The following C9orf57 variants were observed in gnomAD, a reference collection of about 807,000 sequenced individuals.
C9orf57 encodes chromosome 9 open reading frame 57, also known as uncharacterized protein C9orf57.
C9orf57 carries 12 observed loss-of-function variants against 12.9 expected under a neutral mutation model. The ratio of observed to expected loss-of-function variants is 0.93; its 90% CI spans 0.60 to 1.51. The LOEUF is 1.51. Ranked by LOEUF, C9orf57 falls within the 40% of genes most tolerant of loss-of-function variation. C9orf57 has a pLI of 0.00. For synonymous variants in C9orf57, 49 were observed against 57.1 expected, an observed-to-expected ratio of 0.86 and a Z score of 0.64; for missense variants, 141 against 162.8, an observed-to-expected ratio of 0.87 and a Z score of 0.73.
chr9:72,056,494 A>G (rs1824205582), intron 3 of C9orf57, among the ~76,000 whole-genome samples: 1 of 152,066 alleles, frequency 6.6e-6, no homozygotes, highest in Non-Finnish European at 1.5e-5. Context: ...GAGAAAGTAT[A>G]TAGATTATTA....
chr9:72,056,909 A>G, intron 2 of C9orf57, 66 bp from the exon 3 acceptor site: 1 of 1,270,180 alleles, frequency 7.9e-7, no homozygotes, highest in Admixed American at 2.5e-5. Context: ...ATATATATGT[A>G]TACTTTTTTT....
intron 4 of C9orf57, among the ~76,000 whole-genome samples, chr9:72,054,611 C>T (rs996509401): frequency 2.0e-5 from 3 of 152,074 alleles, no homozygotes; most frequent in Non-Finnish European, 4.4e-5. Flanking sequence ...ATTTGCATTT[C>T]CTTGATTTTT....
At position 72,052,416 on chromosome 9, in the gene C9orf57, T is replaced by A; in HGVS notation, c.300A>T (p.Ser100=). ...VHIQGGIQWY[S]VKGCTKNTSE... ...ATGTGTTCTTTGTGCAGCCTTTGAC[T>A]GAATACCATTGAATGCCACCTGACG... Residue 100 remains serine, a synonymous_variant, in exon 5 of 5, where the codon TCA becomes TCT. Transcript: ENST00000651200. 1.3e-6 allele frequency: 2 copies of A among 1,551,832 alleles called. No homozygotes were observed. The highest frequency in any genetic ancestry group is 2.4e-5 in the South Asian group (2 of 83,952).
intron 2 of C9orf57, 147 bp from the exon 3 acceptor site, chr9:72,056,990 A>G: frequency 1.7e-6 from 1 of 595,862 alleles, no homozygotes; most frequent in East Asian, 3.0e-5. Flanking sequence ...GCTCACTGCA[A>G]CCTCCGCTTC....
chr9:72,052,409 C>A lies in C9orf57; in HGVS notation c.307G>T (p.Gly103Cys), dbSNP rs761133730. The A allele has an allele frequency of 1.2e-5, 18 of 1,552,072 alleles. No individual in the cohort carries two copies. Among genetic ancestry groups the A allele is most frequent in the Non-Finnish European group, 1.4e-5 (16 of 1,147,096 alleles). Reference sequence around the variant, plus strand: ...CACTCTGATGTGTTCTTTGTGCAGCCTTTGACTGAATACCATTGAATGCCA... The same window carrying A: ...CACTCTGATGTGTTCTTTGTGCAGCATTTGACTGAATACCATTGAATGCCA... ...QGGIQWYSVK[G>C]CTKNTSECFK... Residue 103 changes from glycine (G) to cysteine (C), a missense_variant, in exon 5 of 5, where the codon GGC becomes TGC. Gly to Cys is a radical substitution (Grantham distance 159, BLOSUM62 -3). Transcript: ENST00000651200.
Position 72,051,502 on chromosome 9 carries a change from G to A in C9orf57, c.*794C>T, listed in dbSNP as rs1824081002. 1.3e-5 allele frequency: 2 copies of A among 152,104 alleles called. No individual in the cohort carries two copies. Among genetic ancestry groups the A allele is most frequent in the Admixed American group, 1.3e-4 (2 of 15,260 alleles). The allele number at this position is 152,104 out of a possible 1,614,324, so 9.4% of individuals were successfully genotyped here. A position where few individuals can be genotyped will look rare whatever the true frequency, so the allele number is the denominator to read the frequency against. On this transcript the variant is annotated 3_prime_UTR_variant, in exon 5 of 5. Coordinates refer to ENST00000651200, the MANE Select transcript of C9orf57 (RefSeq NM_001128618.2). ...GTACTCTTCATGCTGCCAAAGTAGG[G>A]CATTGTAATAGAAGACGTAATGATC...
Position 72,052,164 on chromosome 9 carries a change from A to G in C9orf57, c.*132T>C. ...TGAAAACCAAAGTCAATTTCAGATC[A>G]AAATTCCTTCTACCTACAAGGGTCT... On this transcript the variant is annotated 3_prime_UTR_variant, in exon 5 of 5. Transcript: ENST00000651200. The G allele has an allele frequency of 1.0e-6, 1 of 989,992 alleles. No individual in the cohort carries two copies. The highest frequency in any genetic ancestry group is 1.4e-6 in the Non-Finnish European group (1 of 700,602). 61.3% of individuals were successfully genotyped at this position (989,992 alleles called of 1,614,324 possible).
chr9:72,054,722 T>C (rs1824153053), intron 4 of C9orf57, among the ~76,000 whole-genome samples: 1 of 152,128 alleles, frequency 6.6e-6, no homozygotes, highest in Non-Finnish European at 1.5e-5. Flanking sequence ...TACTCTTGAT[T>C]GTTGGTCTTT....
At position 72,056,157 on chromosome 9, in the gene C9orf57, A is replaced by C; in HGVS notation, c.197T>G (p.Leu66Arg). 1 of 1,551,080 alleles carries C rather than the reference A, an allele frequency of 6.4e-7. No individual in the cohort carries two copies. Among genetic ancestry groups the C allele is most frequent in the Non-Finnish European group, 8.7e-7 (1 of 1,146,572 alleles). Reference protein sequence around the residue: ...GLICRACNLSLPFHGCLLDLG... With the variant: ...GLICRACNLSRPFHGCLLDLG... ...GTCTAAAAGACATCCATGGAAGGGCAGTGAAAGATTGCATGCTCTGCAAAT... is the reference window on the plus strand; with the variant it reads ...GTCTAAAAGACATCCATGGAAGGGCCGTGAAAGATTGCATGCTCTGCAAAT... The change falls in exon 4 of 5, where the codon CTG (leucine) becomes CGG (arginine). Residue 66 changes from leucine (L) to arginine (R), a missense_variant. Transcript: ENST00000651200.
At position 72,052,002 on chromosome 9, in the gene C9orf57, G is replaced by T. The variant is rs542160319; in HGVS notation, c.*294C>A. 8 of 304,568 alleles carry T rather than the reference G, an allele frequency of 2.6e-5. No individual in the cohort carries two copies. The East Asian group carries it at 5.2e-4, about 20-fold the overall frequency. 18.9% of individuals were successfully genotyped at this position (304,568 alleles called of 1,614,324 possible). On this transcript the variant is annotated 3_prime_UTR_variant, in exon 5 of 5. Coordinates refer to ENST00000651200, the MANE Select transcript of C9orf57 (RefSeq NM_001128618.2). ...GGTGACATGCCTAGTTTGACTTGGA[G>T]AATCACTAACATTTTTCCTTCTTTG...
chr9:72,060,496 C>T lies in C9orf57; in HGVS notation c.-54+1G>A, dbSNP rs367844007. 5.7e-6 allele frequency: 8 copies of T among 1,397,974 alleles called. No individual in the cohort carries two copies. The highest frequency in any genetic ancestry group is 1.4e-5 in the African/African-American group (1 of 69,908). The allele number at this position is 1,397,974 out of a possible 1,614,324, so 86.6% of individuals were successfully genotyped here. A position where few individuals can be genotyped will look rare whatever the true frequency, so the allele number is the denominator to read the frequency against. On this transcript the variant is annotated splice_donor_variant, in intron 1 of 4. Transcript: ENST00000651200. LOFTEE classifies it low-confidence loss of function (5UTR_SPLICE). ...TAATATTTCAGTTGTTCATGACCTA[C>T]CTATCTTTTTCATTAAGGTACTATG...
rs1824097977 is a variant in C9orf57, at chr9:72,052,337, C to T, written c.379G>A (p.Val127Ile). Residue 127 changes from valine (V) to isoleucine (I), a missense_variant, in exon 5 of 5, where the codon GTA (valine) becomes ATA (isoleucine). Coordinates refer to ENST00000651200, the MANE Select transcript of C9orf57 (RefSeq NM_001128618.2). ...GAATGATTGCAGCAGTGAGTAGTTACAAGTTCATGCAGTTGCAGAATTCTC... is the reference window on the plus strand; with the variant it reads ...GAATGATTGCAGCAGTGAGTAGTTATAAGTTCATGCAGTTGCAGAATTCTC... ...VKRILQLHEL[V>I]TTHCCNHSLC... 1.9e-6 allele frequency: 3 copies of T among 1,551,842 alleles called. No individual in the cohort carries two copies. The highest frequency in any genetic ancestry group is 1.7e-4 in the Middle Eastern group (1 of 5,992).
chr9:72,052,371 A>T lies in C9orf57; in HGVS notation c.345T>A (p.Thr115=). 1 of 1,552,138 alleles carries T rather than the reference A, an allele frequency of 6.4e-7. No homozygotes were observed. The highest frequency in any genetic ancestry group is 8.7e-7 in the Non-Finnish European group (1 of 1,147,054). The change falls in exon 5 of 5, where the codon ACT becomes ACA. Residue 115 remains threonine, a synonymous_variant. Transcript: ENST00000651200. ...GCAGTTGCAGAATTCTCTTGACGAG[A>T]GTACTCTTGAAGCACTCTGATGTGT... The part of the protein sequence containing the change: ...TKNTSECFKS[T]LVKRILQLHE...
intron 2 of C9orf57, among the ~76,000 whole-genome samples, chr9:72,058,196 T>A (rs1824247875): frequency 6.6e-6 from 1 of 152,190 alleles, no homozygotes. Context: ...AGCCTTGCTC[T>A]TTTGTCCAGG....
chr9:72,059,247 CGAATAAGATAACACCTAAGAGGCG>C lies in C9orf57; in HGVS notation c.61_84del (p.Arg21_Phe28del), dbSNP rs781768862. The C allele has an allele frequency of 2.2e-4, 342 of 1,551,498 alleles. 2 individuals are homozygous for C. The Admixed American group carries it at 2.7e-3, about 12-fold the overall frequency. ...CCTAATGACTTACCACCTAAGCGGCCGAATAAGATAACACCTAAGAGGCGGAATAAGATAACACCTAAGAGGCGG... is the reference window on the plus strand; with the variant it reads ...CCTAATGACTTACCACCTAAGCGGCCGAATAAGATAACACCTAAGAGGCGG... On this transcript the variant is annotated inframe_deletion, in exon 2 of 5. Transcript: ENST00000651200.
chr9:72,054,956 G>C (rs1040936515), intron 4 of C9orf57, among the ~76,000 whole-genome samples: 1 of 84,974 alleles, frequency 1.2e-5, no homozygotes, highest in Non-Finnish European at 2.1e-5. Flanking sequence ...TCTTACTCTT[G>C]TCACCGAGGC....
chr9:72,059,476 A>C, intron 1 of C9orf57, 92 bp from the exon 2 acceptor site: 1 of 1,386,864 alleles, frequency 7.2e-7, no homozygotes, highest in Non-Finnish European at 9.7e-7. Context: ...AGACAATATA[A>C]ATAAGTTTAT....
At chr9:72,057,666 A>AG (rs1824237990) in intron 2 of C9orf57, among the ~76,000 whole-genome samples, 2 of 152,220 alleles carry the variant, frequency 1.3e-5, no homozygotes, top group Non-Finnish European at 1.5e-5. Flanking sequence ...AAATTCATTC[A>AG]GTTCCTCAGT....
intron 4 of C9orf57, among the ~76,000 whole-genome samples, chr9:72,053,372 A>G (rs7021386): frequency 0.48 from 73,243 of 152,162 alleles, 19,645 homozygotes; most frequent in Non-Finnish European, 0.62. Flanking sequence ...TTCCCAAATT[A>G]GGAAACTGCT....
Sources: gnomAD v4.1 joint callset for allele counts (sites outside exome capture counted in the v4.1 genomes callset) on GRCh38, gnomAD v4.1.1 for gene constraint, MANE v1.5 for transcripts, NCBI Gene and HGNC (gene_info 2026-07-23, HGNC 2026-07-21) for gene names.